FAM227B: variants seen among roughly 807,000 people sequenced by gnomAD.
The protein encoded by FAM227B is protein FAM227B.
In FAM227B, 88 loss-of-function variants were observed where a neutral mutation model predicts 73.8. That is an observed-to-expected ratio of 1.19 (90% confidence interval 1.00 to 1.42). The LOEUF (loss-of-function observed/expected upper bound fraction) is 1.42. Among genes scored for constraint, FAM227B ranks in the 40% most tolerant of loss-of-function variants. The probability of loss-of-function intolerance (pLI) is 0.00; values close to 1 mark genes in which losing one functional copy is unlikely to be tolerated. For missense variants in FAM227B, 632 were observed against 590.9 expected (o/e 1.07, Z -0.72); for synonymous variants, 210 against 190.5 (o/e 1.10, Z -0.84).
At chr15:49,550,531 G>A (rs913867427) in intron 9 of FAM227B, among the ~76,000 whole-genome samples, 6 of 151,468 alleles carry the variant, frequency 4.0e-5, no homozygotes, top group African/African-American at 9.7e-5. Flanking sequence ...TCAGATGGGC[G>A]GCTGCCAGGC....
intron 12 of FAM227B, among the ~76,000 whole-genome samples, chr15:49,371,054 A>C (rs2045770545): frequency 6.6e-6 from 1 of 152,196 alleles, no homozygotes; most frequent in Admixed American, 6.5e-5. Flanking sequence ...GTGACAAGAC[A>C]TGTTGTGAGG....
chr15:49,505,619 G>A (rs2058522191), intron 11 of FAM227B, among the ~76,000 whole-genome samples: 1 of 151,980 alleles, frequency 6.6e-6, no homozygotes. Flanking sequence ...AATGCATTTT[G>A]CAAGCATTAA....
At chr15:49,590,044 C>T in intron 3 of FAM227B, 37 bp from the exon 4 acceptor site, 1 of 1,046,012 alleles carries the variant, frequency 9.6e-7, no homozygotes, top group Non-Finnish European at 1.5e-6. Context: ...TAGCTTAAGT[C>T]ATTTTTAATG....
intron 13 of FAM227B, among the ~76,000 whole-genome samples, chr15:49,364,302 G>T (rs368982408): frequency 1.3e-5 from 2 of 152,148 alleles, no homozygotes. Flanking sequence ...CTTGTTATTG[G>T]TCTGTTCAGG....
intron 11 of FAM227B, among the ~76,000 whole-genome samples, chr15:49,457,964 C>T (rs1003677522): frequency 1.3e-5 from 2 of 151,780 alleles, no homozygotes; most frequent in Non-Finnish European, 2.9e-5. Context: ...ATTTATCTTT[C>T]GTTAGGCATC....
In FAM227B at chr15:49,525,665, A is replaced by AACATATAT. The variant is rs1330573300; in HGVS notation, c.874+16014_874+16015insATATATGT. ...GAGACTCAAAGTTAAAGGGTGGAGA[A>AACATATAT]ATATATATATATATATATATATATA... is the stretch of plus-strand genomic sequence containing the variant. On this transcript the variant is annotated intron_variant, in intron 10 of 15. Coordinates refer to ENST00000299338, the MANE Select transcript of FAM227B (RefSeq NM_152647.3). Among the ~76,000 whole-genome samples the AACATATAT allele has an allele frequency of 7.2e-4, 59 of 81,476 alleles. 4 individuals carry two copies. The highest frequency in any genetic ancestry group is 4.7e-3 in the East Asian group (11 of 2,332). The allele number at this position is 81,476 out of a possible 152,430, so 53.5% of individuals were successfully genotyped here.
chr15:49,370,070 C>T (rs550063060), intron 12 of FAM227B, among the ~76,000 whole-genome samples: 2 of 152,284 alleles, frequency 1.3e-5, no homozygotes, highest in Admixed American at 1.3e-4. Context: ...AGAGCCTTCA[C>T]CAGAAAACCA....
chr15:49,401,844 A>C (rs1345442762), intron 11 of FAM227B, among the ~76,000 whole-genome samples: 2 of 111,386 alleles, frequency 1.8e-5, no homozygotes, highest in Non-Finnish European at 3.6e-5. Context: ...CACTCTGGGG[A>C]CTGTTGTGGG....
chr15:49,348,209 G>A (rs2041801195), intron 13 of FAM227B, among the ~76,000 whole-genome samples: 1 of 152,088 alleles, frequency 6.6e-6, no homozygotes, highest in South Asian at 2.1e-4. Context: ...ACAGCTCCAA[G>A]GGTTGCTTTG....
chr15:49,577,114 T>C (rs2075499694), intron 6 of FAM227B: 1 of 326,056 alleles, frequency 3.1e-6, no homozygotes, highest in Admixed American at 4.7e-5. Context: ...CTGGACAACA[T>C]GGTGAAACCC....
intron 11 of FAM227B, among the ~76,000 whole-genome samples, chr15:49,405,222 A>G (rs2048435589): frequency 2.0e-5 from 3 of 152,078 alleles, no homozygotes; most frequent in Admixed American, 6.6e-5. Flanking sequence ...TCTGATGATT[A>G]TGTGTCTTGG....
intron 11 of FAM227B, among the ~76,000 whole-genome samples, chr15:49,401,887 A>G (rs925687820): frequency 4.3e-5 from 6 of 140,874 alleles, no homozygotes; most frequent in African/African-American, 1.6e-4. Flanking sequence ...GCATCGGGAG[A>G]TATACCTAAT....
At position 49,577,402 on chromosome 15, in the gene FAM227B, T is replaced by C; in HGVS notation, c.441+227A>G. ...TATCTAAAATAAAAACAAAATCATA[T>C]TTCAGAACTAATTTTGATATAAACT... is the stretch of plus-strand genomic sequence containing the variant. On this transcript the variant is annotated intron_variant, in intron 6 of 15. Transcript: ENST00000299338. 4 of 443,528 alleles carry C rather than the reference T, an allele frequency of 9.0e-6. No homozygotes were observed. In the South Asian group the frequency reaches 1.8e-4, roughly 20 times the overall value. 27.5% of individuals were successfully genotyped at this position (443,528 alleles called of 1,614,324 possible).
At chr15:49,535,516 C>T (rs2060942149) in intron 10 of FAM227B, among the ~76,000 whole-genome samples, 2 of 151,766 alleles carry the variant, frequency 1.3e-5, no homozygotes, top group Admixed American at 6.6e-5. Flanking sequence ...AATATCAACA[C>T]TCTTTAAACT....
At chr15:49,527,080 A>G (rs1605481) in intron 10 of FAM227B, among the ~76,000 whole-genome samples, 47,888 of 151,600 alleles carry the variant, frequency 0.32, 8,132 homozygotes, top group African/African-American at 0.42. Flanking sequence ...TAAGGACACC[A>G]TAAAAAAGAA....
intron 5 of FAM227B, among the ~76,000 whole-genome samples, chr15:49,580,780 A>G (rs946057759): frequency 5.3e-5 from 8 of 152,240 alleles, no homozygotes; most frequent in African/African-American, 1.9e-4. Context: ...TGATAATTTT[A>G]AGAAAGAACC....
chr15:49,355,466 G>A (rs527399908), intron 13 of FAM227B, among the ~76,000 whole-genome samples: 1,537 of 152,250 alleles, frequency 0.01, 23 homozygotes, highest in African/African-American at 0.036. Context: ...GAGCCGATGC[G>A]ATCAACTGGA....
intron 11 of FAM227B, among the ~76,000 whole-genome samples, chr15:49,429,437 G>A (rs1158657408): frequency 6.6e-6 from 1 of 151,906 alleles, no homozygotes; most frequent in Non-Finnish European, 1.5e-5. Flanking sequence ...TCATTGCCAC[G>A]AGTGCATCTC....
At chr15:49,569,023 A>T (rs1170516666) in intron 8 of FAM227B, among the ~76,000 whole-genome samples, 2 of 151,842 alleles carry the variant, frequency 1.3e-5, no homozygotes, top group Non-Finnish European at 2.9e-5. Context: ...CTTTTCTTTG[A>T]TGGGAGGTTT....
Sources: allele counts gnomAD v4.1 joint callset (sites outside exome capture counted in the v4.1 genomes callset), GRCh38; gene constraint gnomAD v4.1.1; transcripts MANE v1.5; gene names NCBI Gene and HGNC (gene_info 2026-07-23, HGNC 2026-07-21).